Variants in QTMAN observed in about 807,000 individuals in gnomAD.
QTMAN encodes the protein tRNA-queuosine alpha-mannosyltransferase.
chr2:144,082,038 TCAC>T, the QTMAN span, among the ~76,000 whole-genome samples: 1 of 151,984 alleles, frequency 6.6e-6, no homozygotes, highest in African/African-American at 2.4e-5. Flanking sequence ...GAGGCTCACA[TCAC>T]CACACCTCGC....
At chr2:144,007,539 T>C in the QTMAN span, 2 of 1,533,558 alleles carry the variant, frequency 1.3e-6, no homozygotes, top group East Asian at 4.6e-5. Context: ...CATGAATCTG[T>C]TACAAAAAAA....
chr2:144,283,483 AG>A, the QTMAN span, among the ~76,000 whole-genome samples: 1 of 152,326 alleles, frequency 6.6e-6, no homozygotes, highest in South Asian at 2.1e-4. Flanking sequence ...CAGACCTCGG[AG>A]GGAGTGACAT....
the QTMAN span, among the ~76,000 whole-genome samples, chr2:144,000,800 T>C: frequency 6.6e-6 from 1 of 152,008 alleles, no homozygotes; most frequent in African/African-American, 2.4e-5. Flanking sequence ...TCCAGAACCA[T>C]TATTCTGTGA....
chr2:143,988,724 T>TA, the QTMAN span, among the ~76,000 whole-genome samples: 2 of 152,228 alleles, frequency 1.3e-5, no homozygotes, highest in African/African-American at 4.8e-5. Context: ...CTGGGCAGTC[T>TA]AGCTGCACAG....
the QTMAN span, among the ~76,000 whole-genome samples, chr2:144,210,200 C>T: frequency 2.0e-5 from 3 of 152,142 alleles, no homozygotes; most frequent in African/African-American, 7.2e-5. Context: ...CACTTCCAAG[C>T]TGTATGACCT....
the QTMAN span, among the ~76,000 whole-genome samples, chr2:144,189,221 A>G: frequency 6.6e-6 from 1 of 152,190 alleles, no homozygotes. Context: ...TCCTGAGCTC[A>G]AGCAATCCCC....
At chr2:144,328,102 C>T in the QTMAN span, among the ~76,000 whole-genome samples, 1 of 152,056 alleles carries the variant, frequency 6.6e-6, no homozygotes, top group Non-Finnish European at 1.5e-5. Flanking sequence ...AGGCACGTGC[C>T]ACCATGCCCG....
At chr2:144,307,327 G>A in the QTMAN span, among the ~76,000 whole-genome samples, 2 of 151,918 alleles carry the variant, frequency 1.3e-5, no homozygotes, top group African/African-American at 4.8e-5. Flanking sequence ...TACCTGATAT[G>A]GTACATCTGC....
chr2:143,962,793 G>C, the QTMAN span, among the ~76,000 whole-genome samples: 4 of 152,286 alleles, frequency 2.6e-5, 1 homozygote, highest in South Asian at 8.3e-4. Context: ...TTCCTTCTTG[G>C]AATTATTTCC....
At chr2:144,231,745 T>A in the QTMAN span, among the ~76,000 whole-genome samples, 36 of 152,014 alleles carry the variant, frequency 2.4e-4, 1 homozygote, top group African/African-American at 8.5e-4. Flanking sequence ...AGGGTTTCAC[T>A]GCAAATAAAA....
chr2:143,970,940 T>C, the QTMAN span, among the ~76,000 whole-genome samples: 3 of 152,132 alleles, frequency 2.0e-5, no homozygotes, highest in Non-Finnish European at 2.9e-5. Context: ...AATATTTTCA[T>C]GTCCACAAAC....
the QTMAN span, among the ~76,000 whole-genome samples, chr2:143,993,417 G>T: frequency 3.3e-5 from 5 of 151,726 alleles, no homozygotes; most frequent in South Asian, 2.1e-4. Context: ...AAAAAAAAAG[G>T]GGGGGGGACT....
the QTMAN span, among the ~76,000 whole-genome samples, chr2:144,139,052 T>G: frequency 6.6e-6 from 1 of 152,002 alleles, no homozygotes; most frequent in South Asian, 2.1e-4. Flanking sequence ...GTAAACATAA[T>G]GACGGAATAA....
the QTMAN span, among the ~76,000 whole-genome samples, chr2:144,263,180 T>C: frequency 2.0e-5 from 3 of 151,974 alleles, no homozygotes; most frequent in Non-Finnish European, 4.4e-5. Flanking sequence ...TTCATTTTTT[T>C]TTTTTTCACT....
At chr2:144,257,327 T>C in the QTMAN span, among the ~76,000 whole-genome samples, 24 of 152,022 alleles carry the variant, frequency 1.6e-4, no homozygotes, top group Admixed American at 3.9e-4. Context: ...ATTGGAGTTA[T>C]GATATTAAGT....
the QTMAN span, among the ~76,000 whole-genome samples, chr2:144,133,129 A>ATATATATAT: frequency 2.3e-4 from 10 of 43,712 alleles, no homozygotes; most frequent in Middle Eastern, 6.5e-3. Context: ...ATATATATAT[A>ATATATATAT]TATATATATA....
chr2:144,232,189 G>C, the QTMAN span, among the ~76,000 whole-genome samples: 1 of 152,108 alleles, frequency 6.6e-6, no homozygotes, highest in Non-Finnish European at 1.5e-5. Context: ...TGCATACAAA[G>C]CAATTTGAAT....
chr2:144,271,079 A>G, the QTMAN span, among the ~76,000 whole-genome samples: 1 of 152,178 alleles, frequency 6.6e-6, no homozygotes, highest in Non-Finnish European at 1.5e-5. Flanking sequence ...AATTCTTATT[A>G]GTTTTTTCCC....
chr2:143,988,340 A>G, the QTMAN span, among the ~76,000 whole-genome samples: 1 of 152,224 alleles, frequency 6.6e-6, no homozygotes, highest in African/African-American at 2.4e-5. Flanking sequence ...AGACACCAAC[A>G]CTATGAGGTG....
Sources: gnomAD v4.1 joint callset for allele counts (sites outside exome capture counted in the v4.1 genomes callset) on GRCh38, gnomAD v4.1.1 for gene constraint, MANE v1.5 for transcripts, NCBI Gene and HGNC (gene_info 2026-07-23, HGNC 2026-07-21) for gene names.